Variants in LRP8 observed in about 807,000 individuals in gnomAD.
LRP8 encodes the protein low-density lipoprotein receptor-related protein 8.
In LRP8, 46 loss-of-function variants were observed where a neutral mutation model predicts 111.6. The ratio of observed to expected loss-of-function variants is 0.41; its 90% CI spans 0.33 to 0.53. The LOEUF is 0.53. LRP8 is among the 20% of genes least tolerant of loss of function. LRP8 has a pLI of 0.20. For missense variants in LRP8, 959 were observed against 1,297.4 expected (o/e 0.74, Z 4.01); for synonymous variants, 464 against 511.2 (o/e 0.91, Z 1.24).
At chr1:53,314,952 G>A (rs1044518047) in intron 2 of LRP8, among the ~76,000 whole-genome samples, 3 of 152,316 alleles carry the variant, frequency 2.0e-5, no homozygotes, top group Non-Finnish European at 2.9e-5. Flanking sequence ...AGCCCAGGGG[G>A]AGTAGGAGAT....
rs773730804 is a variant in LRP8 at position 53,246,774 on chromosome 1, A to C, written c.*244T>G. ...GCCATTCCACGAATTCCTCATGGGT[A>C]GTGCAACCAGTTAAAAAGTGTATAA... On this transcript the variant is annotated 3_prime_UTR_variant, in exon 19 of 19. Transcript: ENST00000306052. The C allele has an allele frequency of 1.4e-5, 7 of 488,204 alleles. No homozygotes were observed. The highest frequency in any genetic ancestry group is 2.5e-5 in the Non-Finnish European group (7 of 279,950). The allele number at this position is 488,204 out of a possible 1,614,324, so 30.2% of individuals were successfully genotyped here.
At chr1:53,292,800 G>T (rs760108780) in intron 2 of LRP8, among the ~76,000 whole-genome samples, 6 of 152,128 alleles carry the variant, frequency 3.9e-5, no homozygotes, top group Non-Finnish European at 7.4e-5. Flanking sequence ...GGTCACAGCT[G>T]GGGGGAGCAG....
At chr1:53,300,831 G>A (rs989806112) in intron 2 of LRP8, among the ~76,000 whole-genome samples, 8 of 152,126 alleles carry the variant, frequency 5.3e-5, no homozygotes, top group African/African-American at 1.7e-4. Flanking sequence ...TTTGGGCCTC[G>A]GGAGCCCTGG....
intron 2 of LRP8, among the ~76,000 whole-genome samples, chr1:53,301,650 GAGCCC>G (rs1053025982): frequency 6.6e-6 from 1 of 151,906 alleles, no homozygotes; most frequent in Admixed American, 6.6e-5. Context: ...CGGCTGGCTT[GAGCCC>G]GGGAGGTTGA....
chr1:53,287,897 AG>A (rs1647851990), intron 3 of LRP8: 1 of 144,524 alleles, frequency 6.9e-6, no homozygotes, highest in African/African-American at 2.5e-5. Flanking sequence ...GAAGGGAGGC[AG>A]CCCAAGAGGG....
chr1:53,326,283 G>T (rs1276361368), intron 2 of LRP8, among the ~76,000 whole-genome samples: 1 of 152,218 alleles, frequency 6.6e-6, no homozygotes, highest in Non-Finnish European at 1.5e-5. Flanking sequence ...GGCCGGGGCG[G>T]GGCCGGGGCA....
intron 3 of LRP8, among the ~76,000 whole-genome samples, chr1:53,284,552 C>G (rs1299184995): frequency 6.6e-6 from 1 of 152,178 alleles, no homozygotes; most frequent in Non-Finnish European, 1.5e-5. Context: ...CTTGGCTGTA[C>G]GCTCCACCTC....
chr1:53,260,459 C>T lies in LRP8; in HGVS notation c.2056+5G>A, dbSNP rs1328146380. 4.3e-6 allele frequency: 7 copies of T among 1,613,702 alleles called. No homozygotes were observed. The African/African-American group carries it at 6.7e-5, about 15-fold the overall frequency. ...ACCTGGGACCTAGGACCAGAGACAGCTCACCTCTTGGCTGCTTCAGCTCAT... is the reference window on the plus strand; with the variant it reads ...ACCTGGGACCTAGGACCAGAGACAGTTCACCTCTTGGCTGCTTCAGCTCAT... On this transcript the variant is annotated splice_donor_5th_base_variant and intron_variant, in intron 13 of 18. Coordinates refer to ENST00000306052, the MANE Select transcript of LRP8 (RefSeq NM_004631.5).
In LRP8 at chr1:53,327,994, C is replaced by T; in HGVS notation, c.-82G>A. On this transcript the variant is annotated 5_prime_UTR_variant, in exon 1 of 19. Transcript: ENST00000306052. ...GTCTCAGCCCTCCGAGTCCTTGCCG[C>T]GGCGCCGGGGTTGCCGCTGCCCCCG... 1 of 907,000 alleles carries T rather than the reference C, an allele frequency of 1.1e-6. No individual in the cohort carries two copies. Among genetic ancestry groups the T allele is most frequent in the Non-Finnish European group, 1.3e-6 (1 of 758,782 alleles). The allele number at this position is 907,000 out of a possible 1,614,324, so 56.2% of individuals were successfully genotyped here.
At chr1:53,277,176 GGCCAGAACAAGT>G in intron 4 of LRP8, 98 bp from the exon 5 acceptor site, 1 of 1,338,010 alleles carries the variant, frequency 7.5e-7, no homozygotes. Flanking sequence ...CTCACCCGGG[GGCCAGAACAAGT>G]GCCCTTTGGG....
Position 53,250,908 on chromosome 1 carries a change from C to A in LRP8, c.2504-46G>T. The A allele has an allele frequency of 6.4e-7, 1 of 1,552,052 alleles. No individual in the cohort carries two copies. Among genetic ancestry groups the A allele is most frequent in the South Asian group, 1.1e-5 (1 of 89,696 alleles). Reference sequence around the variant, plus strand: ...ACTGGACCTCCAGCAGGCTCCAACCCACTGCTCAGACATCTGTACAAGGCT... The same window carrying A: ...ACTGGACCTCCAGCAGGCTCCAACCAACTGCTCAGACATCTGTACAAGGCT... On this transcript the variant is annotated intron_variant, in intron 16 of 18. Transcript: ENST00000306052. This position sits in a 1 kb window ranked among gnomAD's most constrained non-coding sequence, Gnocchi z 4.6.
intron 1 of LRP8, chr1:53,327,374 T>C: frequency 3.7e-6 from 1 of 266,996 alleles, no homozygotes; most frequent in Non-Finnish European, 7.1e-6. Flanking sequence ...GGCAGCCCCC[T>C]CTCTCTCCGC....
chr1:53,308,895 G>C (rs140712002), intron 2 of LRP8, among the ~76,000 whole-genome samples: 1 of 152,202 alleles, frequency 6.6e-6, no homozygotes, highest in Non-Finnish European at 1.5e-5. Flanking sequence ...CCTATGCTAC[G>C]TGACCCTGGG....
chr1:53,319,339 ACAGACTGG>A (rs1254661671), intron 2 of LRP8, among the ~76,000 whole-genome samples: 1 of 152,154 alleles, frequency 6.6e-6, no homozygotes, highest in Non-Finnish European at 1.5e-5. Flanking sequence ...GGACTCCTAG[ACAGACTGG>A]CAGACAGCTT....
intron 5 of LRP8, among the ~76,000 whole-genome samples, chr1:53,276,469 G>A (rs2100420434): frequency 6.6e-6 from 1 of 152,260 alleles, no homozygotes; most frequent in Non-Finnish European, 1.5e-5. Flanking sequence ...CAGGGACACA[G>A]ATACCAGTGG....
At chr1:53,313,569 C>G (rs995426938) in intron 2 of LRP8, among the ~76,000 whole-genome samples, 18 of 152,124 alleles carry the variant, frequency 1.2e-4, no homozygotes, top group African/African-American at 4.3e-4. Context: ...AGACTCTGAC[C>G]CACCTAGGGG....
chr1:53,302,303 G>A (rs546160648), intron 2 of LRP8, among the ~76,000 whole-genome samples: 146 of 152,214 alleles, frequency 9.6e-4, no homozygotes, highest in South Asian at 6.2e-4. Context: ...CTCTTTAACC[G>A]CCCCAGGATT....
intron 6 of LRP8, among the ~76,000 whole-genome samples, chr1:53,274,538 C>T (rs773129791): frequency 6.6e-6 from 1 of 152,152 alleles, no homozygotes. Context: ...GGCCTGGGGG[C>T]GAAAAGCCCC....
intron 6 of LRP8, chr1:53,274,896 G>A (rs1646871526): frequency 6.6e-6 from 3 of 452,676 alleles, no homozygotes; most frequent in South Asian, 4.7e-5. Flanking sequence ...GCCCACAGGA[G>A]GCAAGCAGAG....
Sources: gnomAD v4.1 joint callset for allele counts (sites outside exome capture counted in the v4.1 genomes callset) on GRCh38, gnomAD v4.1.1 for gene constraint, Gnocchi (gnomAD v3.1) non-coding constraint, MANE v1.5 for transcripts, NCBI Gene and HGNC (gene_info 2026-07-23, HGNC 2026-07-21) for gene names.